The following ANXA7 variants were observed in gnomAD, a reference collection of about 807,000 sequenced individuals.
ANXA7 encodes annexin VII.
A neutral mutation model predicts 64.9 loss-of-function variants in ANXA7; 55 were observed. The ratio of observed to expected loss-of-function variants is 0.85; its 90% CI spans 0.68 to 1.06. The LOEUF is 1.06. ANXA7 is among the 50% of genes least tolerant of loss of function. The probability of loss-of-function intolerance (pLI) is 0.00; values close to 1 mark genes in which losing one functional copy is unlikely to be tolerated. For synonymous variants in ANXA7, 200 were observed against 192.4 expected, an observed-to-expected ratio of 1.04 and a Z score of -0.33; for missense variants, 548 against 582.1, an observed-to-expected ratio of 0.94 and a Z score of 0.60.
At chr10:73,376,252 T>C in intron 12 of ANXA7, 35 bp from the exon 13 acceptor site, 1 of 1,524,848 alleles carries the variant, frequency 6.6e-7, no homozygotes, top group Non-Finnish European at 8.8e-7. Flanking sequence ...CAGAAAAACA[T>C]CTGTGACAAC....
At chr10:73,403,080 C>A (rs1280594749) in intron 1 of ANXA7, among the ~76,000 whole-genome samples, 3 of 152,230 alleles carry the variant, frequency 2.0e-5, no homozygotes, top group Non-Finnish European at 4.4e-5. Context: ...ACCTTGGCCT[C>A]CCAAAGTGCT....
Position 73,391,545 on chromosome 10 carries a change from G to C in ANXA7, c.436-3131C>G, listed in dbSNP as rs76227829. Among the ~76,000 whole-genome samples the C allele has an allele frequency of 6.7e-3, 1,021 of 152,204 alleles. 4 individuals are homozygous for C. The highest frequency in any genetic ancestry group is 0.012 in the Non-Finnish European group (821 of 68,008). On this transcript the variant is annotated intron_variant, in intron 5 of 12. Transcript: ENST00000372921. ...GAGGATCGCTTGAGCCCAGCATTTC[G>C]AGGCTGCAGTGAGCTTTGATCACGC...
chr10:73,390,675 T>C (rs1312296368), intron 5 of ANXA7, among the ~76,000 whole-genome samples: 2 of 146,734 alleles, frequency 1.4e-5, no homozygotes, highest in Non-Finnish European at 3.0e-5. Context: ...TCTCATTTTC[T>C]GTGATTCTCT....
chr10:73,383,313 CTCAA>C lies in ANXA7; in HGVS notation c.776_779del (p.Ile259ArgfsTer56). On this transcript the variant is annotated frameshift_variant, in exon 9 of 13. Coordinates refer to ENST00000372921, the MANE Select transcript of ANXA7 (RefSeq NM_001156.5). LOFTEE classifies it high-confidence loss of function. ...CCTGATTTGTTCTTGTGCACAAAAT[CTCAA>C]TCAATACACGTTCCTGAGTTCCTGC... 1 of 1,614,028 alleles carries C rather than the reference CTCAA, an allele frequency of 6.2e-7. No homozygotes were observed.
rs1011799855 is a variant in ANXA7 at position 73,376,019 on chromosome 10, G to A, written c.*76C>T. On this transcript the variant is annotated 3_prime_UTR_variant, in exon 13 of 13. Coordinates refer to ENST00000372921, the MANE Select transcript of ANXA7 (RefSeq NM_001156.5). ...TTTCGGTTAGCTGATGTTTGATATT[G>A]CTGCATGCAGGTCATTGCTCTGAAG... The A allele has an allele frequency of 1.2e-5, 15 of 1,247,600 alleles. No individual in the cohort carries two copies. Among genetic ancestry groups the A allele is most frequent in the South Asian group, 1.8e-5 (1 of 56,162 alleles). The allele number at this position is 1,247,600 out of a possible 1,614,324, so 77.3% of individuals were successfully genotyped here. A position where few individuals can be genotyped will look rare whatever the true frequency, so the allele number is the denominator to read the frequency against.
chr10:73,398,533 T>TGATAAACTAGTATA, intron 2 of ANXA7, 148 bp from the exon 3 acceptor site: 2 of 716,452 alleles, frequency 2.8e-6, no homozygotes, highest in Non-Finnish European at 4.5e-6. Flanking sequence ...TATCTTATAC[T>TGATAAACTAGTATA]AGTTTATCAG....
intron 9 of ANXA7, among the ~76,000 whole-genome samples, chr10:73,380,480 C>T (rs1327765891): frequency 1.3e-5 from 2 of 151,908 alleles, no homozygotes; most frequent in Non-Finnish European, 2.9e-5. Context: ...CTATGTTGCC[C>T]AGGTGCTGGT....
chr10:73,404,328 G>T (rs1413964667), intron 1 of ANXA7, among the ~76,000 whole-genome samples: 3 of 152,168 alleles, frequency 2.0e-5, no homozygotes, highest in Non-Finnish European at 4.4e-5. Flanking sequence ...CAGAAAGTTT[G>T]AAAGTTATGT....
rs1010795814 is a variant in ANXA7, at chr10:73,390,645, A to G, written c.436-2231T>C. Among the ~76,000 whole-genome samples the G allele has an allele frequency of 2.7e-5, 4 of 146,448 alleles. No individual in the cohort carries two copies. The East Asian group carries it at 7.9e-4, about 29-fold the overall frequency. ...CACTGGAATAGATAAACTAACCCTC[A>G]CTGTGTACCATTTGATGATTCTCAT... On this transcript the variant is annotated intron_variant, in intron 5 of 12. Coordinates refer to ENST00000372921, the MANE Select transcript of ANXA7 (RefSeq NM_001156.5).
chr10:73,399,399 T>C (rs1252037184), intron 2 of ANXA7, among the ~76,000 whole-genome samples: 1 of 152,220 alleles, frequency 6.6e-6, no homozygotes, highest in Non-Finnish European at 1.5e-5. Context: ...ATAATTCTCA[T>C]CTCTCCTATG....
At chr10:73,387,668 T>C (rs1342321076) in intron 7 of ANXA7, 21 bp downstream of exon 7, 2 of 1,588,748 alleles carry the variant, frequency 1.3e-6, no homozygotes, top group Non-Finnish European at 1.7e-6. Context: ...CTGGTGCTCA[T>C]TCCAGGAAAG....
intron 10 of ANXA7, 25 bp from the exon 11 acceptor site, chr10:73,379,979 A>G: frequency 6.2e-7 from 1 of 1,613,110 alleles, no homozygotes; most frequent in South Asian, 1.1e-5. Context: ...AAAGGGTTAA[A>G]TATTTTTGTA....
chr10:73,402,370 T>C (rs2055680258), intron 1 of ANXA7, among the ~76,000 whole-genome samples: 1 of 152,014 alleles, frequency 6.6e-6, no homozygotes, highest in Admixed American at 6.5e-5. Context: ...TGGTGAATTT[T>C]TGTATTTTTT....
At chr10:73,398,926 T>A (rs564670737) in intron 2 of ANXA7, among the ~76,000 whole-genome samples, 19 of 152,260 alleles carry the variant, frequency 1.2e-4, no homozygotes, top group African/African-American at 4.6e-4. Context: ...GAACTCTTTC[T>A]CCCCAGGCCA....
intron 7 of ANXA7, among the ~76,000 whole-genome samples, chr10:73,386,318 C>T (rs1162631410): frequency 6.6e-6 from 1 of 150,950 alleles, no homozygotes; most frequent in Non-Finnish European, 1.5e-5. Flanking sequence ...GATTTAGAAA[C>T]TGATCATCCA....
Position 73,411,579 on chromosome 10 carries a change from G to A in ANXA7, c.-2+2433C>T, listed in dbSNP as rs115534273. ...TCTCAGCCTCCCGTGTAGCTGGGAC[G>A]TGCCACCGCACCCGGCTAAATTTTG... On this transcript the variant is annotated intron_variant, in intron 1 of 12. Transcript: ENST00000372921. Among the ~76,000 whole-genome samples the A allele has an allele frequency of 4.0e-3, 610 of 151,932 alleles. 1 individual carries two copies. The highest frequency in any genetic ancestry group is 0.011 in the African/African-American group (448 of 41,452).
At chr10:73,398,745 T>A (rs963391273) in intron 2 of ANXA7, among the ~76,000 whole-genome samples, 1 of 152,128 alleles carries the variant, frequency 6.6e-6, no homozygotes, top group Non-Finnish European at 1.5e-5. Flanking sequence ...CTCCTCTATA[T>A]CCTAAACAGA....
intron 1 of ANXA7, among the ~76,000 whole-genome samples, chr10:73,407,507 T>C (rs2055776193): frequency 6.6e-6 from 1 of 152,184 alleles, no homozygotes; most frequent in Non-Finnish European, 1.5e-5. Context: ...TGCAGGTCTG[T>C]GATTCACACT....
At chr10:73,378,445 G>C (rs113470194) in intron 12 of ANXA7, among the ~76,000 whole-genome samples, 437 of 151,194 alleles carry the variant, frequency 2.9e-3, no homozygotes, top group African/African-American at 9.5e-3. Flanking sequence ...TTTGTAAGTG[G>C]AGTAAATATA....
Sources: gnomAD v4.1 joint callset for allele counts (sites outside exome capture counted in the v4.1 genomes callset) on GRCh38, gnomAD v4.1.1 for gene constraint, MANE v1.5 for transcripts, NCBI Gene and HGNC (gene_info 2026-07-23, HGNC 2026-07-21) for gene names.